Variants in RANBP2 observed in about 807,000 individuals in gnomAD.
RANBP2 encodes the protein E3 SUMO-protein ligase RanBP2.
Under a neutral mutation model 303.6 loss-of-function variants are expected in RANBP2, and 57 were observed. The ratio of observed to expected loss-of-function variants is 0.19; its 90% confidence interval spans 0.15 to 0.23. The LOEUF is 0.23. Ranked by LOEUF, RANBP2 falls within the 10% of genes least tolerant of loss-of-function variation. RANBP2 has a pLI of 1.00. For missense variants in RANBP2, 3,138 were observed against 3,780.8 expected (o/e 0.83, Z 4.46); for synonymous variants, 1,167 against 1,301.5 (o/e 0.90, Z 2.23).
At chr2:109,412,929 C>G in the RANBP2 span, among the ~76,000 whole-genome samples, 1 of 152,168 alleles carries the variant, frequency 6.6e-6, no homozygotes, top group Non-Finnish European at 1.5e-5. Context: ...TCTGCATACC[C>G]TACATGGCCC....
chr2:109,736,932 C>T, the RANBP2 span, among the ~76,000 whole-genome samples: 3 of 151,886 alleles, frequency 2.0e-5, no homozygotes, highest in Admixed American at 6.6e-5. Flanking sequence ...TACTCTAGTA[C>T]TACCACAAGA....
At chr2:109,630,490 G>A in the RANBP2 span, among the ~76,000 whole-genome samples, 7 of 152,252 alleles carry the variant, frequency 4.6e-5, no homozygotes, top group Non-Finnish European at 7.3e-5. Flanking sequence ...CCTGCCTTGC[G>A]GTTCCTGTGG....
chr2:109,347,888 C>T, the RANBP2 span: 3 of 1,612,508 alleles, frequency 1.9e-6, no homozygotes, highest in Non-Finnish European at 2.5e-6. Flanking sequence ...CAGGGAAAAG[C>T]ACTTTATGAT....
the RANBP2 span, among the ~76,000 whole-genome samples, chr2:109,156,068 G>C: frequency 6.6e-6 from 1 of 152,192 alleles, no homozygotes; most frequent in Non-Finnish European, 1.5e-5. Flanking sequence ...TGGGAAGCTG[G>C]GTCCTCTCCT....
At chr2:108,898,150 C>A in the RANBP2 span, among the ~76,000 whole-genome samples, 1 of 152,132 alleles carries the variant, frequency 6.6e-6, no homozygotes, top group Non-Finnish European at 1.5e-5. Flanking sequence ...CACAGAAAAA[C>A]TGTGTCCCCA....
At chr2:109,483,996 G>A in the RANBP2 span, among the ~76,000 whole-genome samples, 67 of 151,444 alleles carry the variant, frequency 4.4e-4, 1 homozygote, top group African/African-American at 1.5e-3. Flanking sequence ...GATGCTCCCA[G>A]CGTCCACCAG....
the RANBP2 span, among the ~76,000 whole-genome samples, chr2:109,684,285 A>G: frequency 9.2e-6 from 1 of 108,538 alleles, no homozygotes; most frequent in Non-Finnish European, 1.8e-5. Context: ...TCTGTCGCCC[A>G]GGCTGGAGTG....
At chr2:108,950,086 G>A in the RANBP2 span, among the ~76,000 whole-genome samples, 4 of 152,204 alleles carry the variant, frequency 2.6e-5, no homozygotes, top group Non-Finnish European at 2.9e-5. Context: ...ACCCCAGGAG[G>A]GGCCTGCTGG....
chr2:109,563,205 C>A, the RANBP2 span, among the ~76,000 whole-genome samples: 1 of 152,188 alleles, frequency 6.6e-6, no homozygotes, highest in Non-Finnish European at 1.5e-5. Flanking sequence ...AACCACCACA[C>A]CCGGCCATAA....
the RANBP2 span, among the ~76,000 whole-genome samples, chr2:109,131,605 A>T: frequency 8.5e-5 from 13 of 152,132 alleles, no homozygotes; most frequent in Non-Finnish European, 1.5e-4. Context: ...TTTGACCAGG[A>T]GGTTAGGAGG....
At chr2:109,697,314 AC>A in the RANBP2 span, among the ~76,000 whole-genome samples, 1 of 152,082 alleles carries the variant, frequency 6.6e-6, no homozygotes, top group Admixed American at 6.5e-5. Context: ...ACATGGAGAA[AC>A]CCTGTCTCTA....
At chr2:109,615,943 C>T in the RANBP2 span, 10 of 1,598,376 alleles carry the variant, frequency 6.3e-6, no homozygotes, top group Non-Finnish European at 8.5e-6. Context: ...GTCCACACCA[C>T]ACCCTCTTTC....
chr2:108,763,443 G>C lies in RANBP2; in HGVS notation c.2904G>C (p.Gln968His), dbSNP rs149515235. ...GDDYFNYNVQ[Q>H]TSTNPPLPEP... ...ATTACTTTAATTACAATGTTCAACA[G>C]ACAAGCACAAATCCACCTTTGCCAG... Residue 968 changes from glutamine to histidine, a missense_variant, in exon 20 of 29, where the codon CAG becomes CAC. Gln to His is a conservative substitution (Grantham distance 24). Around this residue, in one of 20 missense-constraint regions of RANBP2, gnomAD observed 403 missense variants for 376.7 expected, o/e 1.07. Transcript: ENST00000283195. 416 of 1,613,902 alleles carry C rather than the reference G, an allele frequency of 2.6e-4. No homozygotes were observed. Among genetic ancestry groups the C allele is most frequent in the Non-Finnish European group, 3.3e-4 (390 of 1,179,988 alleles).
rs1184151345 is a variant in RANBP2 at position 108,742,059 on chromosome 2, C to T, written c.975+1378C>T. ...TTGCCCAGGCTGGAGTGCAGTGGCG[C>T]GATCTGGCTCACTGCAACCTCTGCC... On this transcript the variant is annotated intron_variant, in intron 7 of 28. Transcript: ENST00000283195. Among the ~76,000 whole-genome samples the T allele has an allele frequency of 5.9e-5, 9 of 151,774 alleles. No individual in the cohort carries two copies. In the South Asian group the frequency reaches 6.2e-4, roughly 11 times the overall value.
chr2:109,607,648 G>A, the RANBP2 span, among the ~76,000 whole-genome samples: 64 of 152,196 alleles, frequency 4.2e-4, no homozygotes, highest in Non-Finnish European at 7.9e-4. Flanking sequence ...TTATTTAAAT[G>A]TAATTTTTCT....
the RANBP2 span, among the ~76,000 whole-genome samples, chr2:108,939,604 T>C: frequency 6.6e-6 from 1 of 152,042 alleles, no homozygotes; most frequent in Non-Finnish European, 1.5e-5. Context: ...GAGGAGAACA[T>C]GTCCCGTTAG....
At chr2:109,157,034 G>A in the RANBP2 span, among the ~76,000 whole-genome samples, 4 of 152,138 alleles carry the variant, frequency 2.6e-5, no homozygotes, top group African/African-American at 4.8e-5. Flanking sequence ...TTCCATCATA[G>A]GATTTGCATC....
chr2:109,067,803 A>G, the RANBP2 span, among the ~76,000 whole-genome samples: 1 of 152,118 alleles, frequency 6.6e-6, no homozygotes, highest in Non-Finnish European at 1.5e-5. Context: ...TTAGTCCACT[A>G]GCTAATGCTG....
At chr2:109,482,018 T>C in the RANBP2 span, among the ~76,000 whole-genome samples, 14 of 152,230 alleles carry the variant, frequency 9.2e-5, no homozygotes, top group African/African-American at 3.1e-4. Flanking sequence ...AGTTACTGAA[T>C]GGCGTACTGG....
Sources: gnomAD v4.1 joint callset for allele counts (sites outside exome capture counted in the v4.1 genomes callset) on GRCh38, gnomAD v4.1.1 for gene constraint, gnomAD v4.1.1 regional missense constraint, MANE v1.5 for transcripts, NCBI Gene and HGNC (gene_info 2026-07-23, HGNC 2026-07-21) for gene names.